The following ZFYVE9 variants were observed in gnomAD, a reference collection of about 807,000 sequenced individuals.
ZFYVE9 encodes the protein zinc finger FYVE domain-containing protein 9.
In ZFYVE9, 43 loss-of-function variants were observed where a neutral mutation model predicts 126.7. That is an observed-to-expected ratio of 0.34 (90% CI 0.27 to 0.44). The LOEUF (loss-of-function observed/expected upper bound fraction) is 0.44. ZFYVE9 is among the 20% of genes least tolerant of loss of function. The pLI is 1.00. For missense variants in ZFYVE9, 1,476 were observed against 1,697.0 expected, an observed-to-expected ratio of 0.87 and a Z score of 2.29; for synonymous variants, 521 against 597.4, an observed-to-expected ratio of 0.87 and a Z score of 1.87.
intron 13 of ZFYVE9, among the ~76,000 whole-genome samples, chr1:52,319,078 CAG>C (rs1011936661): frequency 2.0e-5 from 3 of 152,136 alleles, no homozygotes; most frequent in Non-Finnish European, 4.4e-5. Context: ...CTCTGGGTGA[CAG>C]AGTGTGACCC....
chr1:52,204,795 C>T (rs762956612), intron 1 of ZFYVE9, among the ~76,000 whole-genome samples: 7 of 152,172 alleles, frequency 4.6e-5, no homozygotes, highest in Non-Finnish European at 1.0e-4. Flanking sequence ...TTTCCCCTTT[C>T]CCTGCCAGAA....
intron 13 of ZFYVE9, among the ~76,000 whole-genome samples, chr1:52,325,178 C>T (rs1209602894): frequency 6.6e-6 from 1 of 151,900 alleles, no homozygotes; most frequent in Non-Finnish European, 1.5e-5. Flanking sequence ...ACTCGGGAGG[C>T]TGAGGCAGGA....
At chr1:52,288,924 T>G (rs1569679013) in intron 10 of ZFYVE9, among the ~76,000 whole-genome samples, 1 of 68,604 alleles carries the variant, frequency 1.5e-5, no homozygotes, top group African/African-American at 1.0e-4. Context: ...AGACTCTGTC[T>G]CAAAAAAAAA....
At chr1:52,331,505 C>T (rs1646340344) in intron 13 of ZFYVE9, among the ~76,000 whole-genome samples, 2 of 150,428 alleles carry the variant, frequency 1.3e-5, no homozygotes, top group Admixed American at 1.3e-4. Flanking sequence ...GTAATCCCAG[C>T]ACTTTGGGAG....
chr1:52,146,224 A>G (rs1644305750), intron 1 of ZFYVE9, among the ~76,000 whole-genome samples: 1 of 152,168 alleles, frequency 6.6e-6, no homozygotes, highest in Non-Finnish European at 1.5e-5. Flanking sequence ...GTGCCATTTT[A>G]TATAAGGGAT....
At chr1:52,219,566 C>A (rs1203945358) in intron 2 of ZFYVE9, among the ~76,000 whole-genome samples, 1 of 151,696 alleles carries the variant, frequency 6.6e-6, no homozygotes, top group East Asian at 1.9e-4. Context: ...GGGCTGGTGT[C>A]GGTGAATTGG....
At chr1:52,344,984 G>T (rs1646471287) in intron 18 of ZFYVE9, 40 bp downstream of exon 18, 1 of 1,605,122 alleles carries the variant, frequency 6.2e-7, no homozygotes, top group South Asian at 1.1e-5. Context: ...CTGGCCTTGG[G>T]CAACGTCTGT....
chr1:52,153,289 G>A (rs1056211986), intron 1 of ZFYVE9, among the ~76,000 whole-genome samples: 3 of 152,228 alleles, frequency 2.0e-5, no homozygotes, highest in African/African-American at 7.2e-5. Flanking sequence ...CTCCAAGGGA[G>A]GAAATGTAGA....
At chr1:52,281,426 G>A (rs1199947487) in intron 9 of ZFYVE9, among the ~76,000 whole-genome samples, 1 of 151,998 alleles carries the variant, frequency 6.6e-6, no homozygotes, top group Non-Finnish European at 1.5e-5. Flanking sequence ...AGCCACCTCG[G>A]CCGTCCTCAA....
chr1:52,275,601 A>G (rs1645740300), intron 8 of ZFYVE9, among the ~76,000 whole-genome samples: 2 of 152,160 alleles, frequency 1.3e-5, no homozygotes, highest in South Asian at 2.1e-4. Flanking sequence ...GTGAGTTGAT[A>G]TCTCATTGTG....
chr1:52,156,838 C>CT (rs35403349), intron 1 of ZFYVE9, among the ~76,000 whole-genome samples: 48,349 of 144,414 alleles, frequency 0.33, 9,215 homozygotes, highest in East Asian at 0.71. Flanking sequence ...TAGTGACATT[C>CT]TTTTTTTTTT....
chr1:52,296,569 G>A (rs1645977170), intron 12 of ZFYVE9, among the ~76,000 whole-genome samples: 1 of 151,896 alleles, frequency 6.6e-6, no homozygotes, highest in East Asian at 1.9e-4. Context: ...CAAGATCATT[G>A]GTTGGCTTGA....
At chr1:52,170,223 A>G (rs931552623) in intron 1 of ZFYVE9, among the ~76,000 whole-genome samples, 4 of 152,142 alleles carry the variant, frequency 2.6e-5, no homozygotes, top group Admixed American at 1.3e-4. Context: ...ATTTGACGAT[A>G]CTTATTGACC....
At chr1:52,243,407 T>A (rs1001387642) in intron 4 of ZFYVE9, among the ~76,000 whole-genome samples, 3 of 152,036 alleles carry the variant, frequency 2.0e-5, no homozygotes, top group Non-Finnish European at 2.9e-5. Context: ...GGTTGACACA[T>A]AAAGGTGGAG....
intron 2 of ZFYVE9, among the ~76,000 whole-genome samples, chr1:52,218,261 C>G (rs1030269040): frequency 6.6e-6 from 1 of 152,086 alleles, no homozygotes; most frequent in Non-Finnish European, 1.5e-5. Flanking sequence ...AAATATTGGT[C>G]CCCCACAATA....
At chr1:52,206,409 T>C (rs755769358) in intron 1 of ZFYVE9, among the ~76,000 whole-genome samples, 5 of 152,240 alleles carry the variant, frequency 3.3e-5, no homozygotes, top group Non-Finnish European at 5.9e-5. Context: ...CATCTCAAAA[T>C]TGGAGATACA....
At chr1:52,344,353 G>T (rs1646466136) in intron 17 of ZFYVE9, among the ~76,000 whole-genome samples, 1 of 152,178 alleles carries the variant, frequency 6.6e-6, no homozygotes, top group Non-Finnish European at 1.5e-5. Context: ...AAGACTAATT[G>T]TAAAATAAAG....
At position 52,237,899 on chromosome 1, in the gene ZFYVE9, C is replaced by T; in HGVS notation, c.482C>T (p.Thr161Ile). ...VAVMHNCDKRTLQNDLQDCNN... is the reference protein window; with the variant it reads ...VAVMHNCDKRILQNDLQDCNN... ...GTCATGCATAACTGTGATAAAAGGACATTACAAAACGATTTACAGGATTGT... is the reference window on the plus strand; with the variant it reads ...GTCATGCATAACTGTGATAAAAGGATATTACAAAACGATTTACAGGATTGT... Residue 161 changes from threonine (T) to isoleucine (I), a missense_variant, in exon 4 of 19, where the codon ACA becomes ATA. Thr to Ile is a moderately conservative substitution (Grantham distance 89, BLOSUM62 -1). Around this residue, in one of 2 missense-constraint regions of ZFYVE9, gnomAD observed 807 missense variants for 794.6 expected, o/e 1.02. Coordinates refer to ENST00000287727, the MANE Select transcript of ZFYVE9 (RefSeq NM_004799.4). 2 of 1,613,930 alleles carry T rather than the reference C, an allele frequency of 1.2e-6. No homozygotes were observed. The highest frequency in any genetic ancestry group is 3.3e-4 in the Middle Eastern group (2 of 6,060).
At position 52,293,610 on chromosome 1, in the gene ZFYVE9, A is replaced by G; in HGVS notation, c.3183A>G (p.Lys1061=). The change falls in exon 11 of 19, where the codon AAA becomes AAG. Residue 1061 remains lysine, a synonymous_variant. Coordinates refer to ENST00000287727, the MANE Select transcript of ZFYVE9 (RefSeq NM_004799.4). ...ACTTGTTTGGGATTCTTATCCAGAA[A>G]TGGGAAACTCCTTGGGCTAAAGTAT... The part of the protein sequence containing the change: ...PPYLFGILIQ[K]WETPWAKVFP... 1 of 1,614,068 alleles carries G rather than the reference A, an allele frequency of 6.2e-7. No individual in the cohort carries two copies. The highest frequency in any genetic ancestry group is 8.5e-7 in the Non-Finnish European group (1 of 1,180,006).
Sources: gnomAD v4.1 joint callset for allele counts (sites outside exome capture counted in the v4.1 genomes callset) on GRCh38, gnomAD v4.1.1 for gene constraint, gnomAD v4.1.1 regional missense constraint, MANE v1.5 for transcripts, NCBI Gene and HGNC (gene_info 2026-07-23, HGNC 2026-07-21) for gene names.